ROBO1: variants seen among roughly 807,000 people sequenced by gnomAD.
ROBO1 encodes the protein roundabout guidance receptor 1, also known as roundabout homolog 1.
A neutral mutation model predicts 195.9 loss-of-function variants in ROBO1; 149 were observed. That is an observed-to-expected ratio of 0.76 (90% confidence interval 0.67 to 0.87). The LOEUF (loss-of-function observed/expected upper bound fraction) is 0.87. ROBO1 is among the 40% of genes least tolerant of loss of function. The pLI, the probability that ROBO1 is intolerant of heterozygous loss-of-function variation, is 0.00. For synonymous variants in ROBO1, 816 were observed against 733.2 expected (o/e 1.11, Z -1.82); for missense variants, 1,933 against 2,068.3 (o/e 0.93, Z 1.27).
intron 1 of ROBO1, among the ~76,000 whole-genome samples, chr3:79,725,758 G>C (rs958678694): frequency 6.6e-6 from 1 of 152,068 alleles, no homozygotes; most frequent in African/African-American, 2.4e-5. Context: ...GCAGCTAAAA[G>C]CATCTTTACT....
intron 27 of ROBO1, 22 bp from the exon 28 acceptor site, chr3:78,614,822 A>AAT: frequency 6.4e-7 from 1 of 1,555,352 alleles, no homozygotes; most frequent in Non-Finnish European, 8.7e-7. Context: ...AAAAAAAAAA[A>AAT]TCCAAGCCAA....
At chr3:78,833,546 A>C (rs2032426367) in intron 4 of ROBO1, among the ~76,000 whole-genome samples, 1 of 152,082 alleles carries the variant, frequency 6.6e-6, no homozygotes, top group African/African-American at 2.4e-5. Context: ...AAACTTTCAA[A>C]AAGTCCCAAT....
At chr3:78,957,567 G>A (rs567393236) in intron 3 of ROBO1, among the ~76,000 whole-genome samples, 3 of 152,230 alleles carry the variant, frequency 2.0e-5, no homozygotes, top group African/African-American at 2.4e-5. Flanking sequence ...AAATGCCTTC[G>A]ACAAAAATAA....
chr3:78,945,913 G>T (rs1480045883), intron 3 of ROBO1, among the ~76,000 whole-genome samples: 2 of 151,908 alleles, frequency 1.3e-5, no homozygotes, highest in South Asian at 4.2e-4. Context: ...GGAAGAAAGG[G>T]TATCAGTGAT....
chr3:78,647,952 C>T (rs776411092), intron 19 of ROBO1, among the ~76,000 whole-genome samples: 31 of 152,148 alleles, frequency 2.0e-4, no homozygotes, highest in Non-Finnish European at 3.1e-4. Context: ...TCGTGGCTTT[C>T]GTACAAACAA....
chr3:79,073,412 G>T (rs1255876701), intron 3 of ROBO1, among the ~76,000 whole-genome samples: 1 of 151,798 alleles, frequency 6.6e-6, no homozygotes, highest in Non-Finnish European at 1.5e-5. Flanking sequence ...AAATGGATAT[G>T]GGAACCATCA....
chr3:79,436,035 G>A (rs2038874993), intron 2 of ROBO1, among the ~76,000 whole-genome samples: 1 of 152,104 alleles, frequency 6.6e-6, no homozygotes, highest in African/African-American at 2.4e-5. Context: ...AAAACCCTGT[G>A]TAACAGTTAA....
intron 3 of ROBO1, among the ~76,000 whole-genome samples, chr3:78,955,201 T>C (rs13326526): frequency 6.6e-5 from 10 of 150,396 alleles, no homozygotes; most frequent in Admixed American, 2.7e-4. Flanking sequence ...TGGGGTTATA[T>C]AGGTAAACTG....
In ROBO1 at chr3:78,639,733, G is replaced by A; in HGVS notation, c.3037+11C>T. ...AGCTTATACATATCAGGCTCTCTCT[G>A]TGTCCCTAACCTGGGCGACTGTAGG... On this transcript the variant is annotated intron_variant, in intron 22 of 30. Coordinates refer to ENST00000464233, the MANE Select transcript of ROBO1 (RefSeq NM_002941.4). The A allele has an allele frequency of 6.2e-7, 1 of 1,608,856 alleles. No homozygotes were observed. Among genetic ancestry groups the A allele is most frequent in the Non-Finnish European group, 8.5e-7 (1 of 1,176,630 alleles).
At chr3:78,854,971 T>C (rs1216661146) in intron 4 of ROBO1, among the ~76,000 whole-genome samples, 1 of 152,100 alleles carries the variant, frequency 6.6e-6, no homozygotes, top group African/African-American at 2.4e-5. Flanking sequence ...TTGAAAAGGA[T>C]GTGAGTTGGT....
At chr3:78,782,381 G>A (rs536621785) in intron 4 of ROBO1, among the ~76,000 whole-genome samples, 7 of 152,076 alleles carry the variant, frequency 4.6e-5, no homozygotes, top group African/African-American at 1.7e-4. Context: ...ATTTTTAGTA[G>A]AGATGGAGTT....
intron 2 of ROBO1, among the ~76,000 whole-genome samples, chr3:79,564,080 C>G (rs1159684455): frequency 6.6e-5 from 10 of 150,408 alleles, no homozygotes; most frequent in Admixed American, 6.0e-4. Flanking sequence ...TGAAAAGACT[C>G]CAATTCCAAG....
chr3:78,888,769 C>T (rs2036714037), intron 4 of ROBO1, among the ~76,000 whole-genome samples: 1 of 152,108 alleles, frequency 6.6e-6, no homozygotes, highest in African/African-American at 2.4e-5. Flanking sequence ...TGTTTCAGGT[C>T]ATGGTGATCC....
chr3:79,613,073 C>T (rs1381669901), intron 1 of ROBO1, among the ~76,000 whole-genome samples: 1 of 151,788 alleles, frequency 6.6e-6, no homozygotes, highest in African/African-American at 2.4e-5. Context: ...ACAAAAAATG[C>T]ATGTCCTTAG....
At chr3:79,606,001 T>C (rs994079153) in intron 1 of ROBO1, among the ~76,000 whole-genome samples, 1 of 150,340 alleles carries the variant, frequency 6.7e-6, no homozygotes, top group Non-Finnish European at 1.5e-5. Context: ...TGTATATATA[T>C]ATATATATAC....
chr3:79,314,726 T>G (rs2033656088), intron 2 of ROBO1, among the ~76,000 whole-genome samples: 1 of 152,236 alleles, frequency 6.6e-6, no homozygotes, highest in Admixed American at 6.5e-5. Context: ...CTAGTTGCTA[T>G]AGCAGAGCAG....
At chr3:79,573,041 A>G (rs552457967) in intron 2 of ROBO1, among the ~76,000 whole-genome samples, 1 of 152,274 alleles carries the variant, frequency 6.6e-6, no homozygotes, top group African/African-American at 2.4e-5. Flanking sequence ...CATTTTTAAA[A>G]TATAAATAAT....
intron 4 of ROBO1, among the ~76,000 whole-genome samples, chr3:78,931,967 C>G (rs1020765262): frequency 1.5e-4 from 23 of 151,974 alleles, no homozygotes. Flanking sequence ...ACAGTAAGAT[C>G]CTGTCTCAAA....
intron 3 of ROBO1, among the ~76,000 whole-genome samples, chr3:78,944,337 G>T (rs915555931): frequency 2.6e-5 from 4 of 152,196 alleles, no homozygotes; most frequent in African/African-American, 9.7e-5. Context: ...TTAAAATATA[G>T]ATGATAAAAA....
Sources: allele counts gnomAD v4.1 joint callset (sites outside exome capture counted in the v4.1 genomes callset), GRCh38; gene constraint gnomAD v4.1.1; transcripts MANE v1.5; gene names NCBI Gene and HGNC (gene_info 2026-07-23, HGNC 2026-07-21).